TMEM108: variants seen among roughly 807,000 people sequenced by gnomAD.
TMEM108 encodes transmembrane protein 108, also known as cancer/testis antigen 124.
A neutral mutation model predicts 35.1 loss-of-function variants in TMEM108; 12 were observed. The observed-to-expected ratio is 0.34, with a 90% CI of 0.22 to 0.55. The LOEUF (loss-of-function observed/expected upper bound fraction) is 0.55. Among genes scored for constraint, TMEM108 ranks in the 20% least tolerant of loss-of-function variants. The pLI is 0.89. For missense variants in TMEM108, 680 were observed against 753.3 expected, an observed-to-expected ratio of 0.90 and a Z score of 1.14; for synonymous variants, 287 against 308.6, an observed-to-expected ratio of 0.93 and a Z score of 0.73.
At chr3:133,307,432 A>T (rs544981771) in intron 3 of TMEM108, among the ~76,000 whole-genome samples, 1 of 152,278 alleles carries the variant, frequency 6.6e-6, no homozygotes, top group South Asian at 2.1e-4. Flanking sequence ...TCTTTTAGAC[A>T]TGAAGTCCTT....
chr3:133,070,315 A>T (rs2107688847), intron 2 of TMEM108, among the ~76,000 whole-genome samples: 1 of 152,250 alleles, frequency 6.6e-6, no homozygotes, highest in Middle Eastern at 3.4e-3. Context: ...GGCTTACACA[A>T]GTGAGGACAA....
intron 2 of TMEM108, among the ~76,000 whole-genome samples, chr3:133,046,845 G>A (rs1267109874): frequency 7.8e-6 from 1 of 128,640 alleles, no homozygotes; most frequent in East Asian, 2.1e-4. Context: ...TAAGAATGAG[G>A]GATAGGAGGT....
chr3:133,360,007 T>TAAAA (rs59374214), intron 3 of TMEM108, among the ~76,000 whole-genome samples: 39 of 112,864 alleles, frequency 3.5e-4, no homozygotes, highest in Non-Finnish European at 6.0e-4. Context: ...ACTCAACAGT[T>TAAAA]AAAAAAAAAA....
intron 4 of TMEM108, chr3:133,388,462 C>T (rs1042128533): frequency 1.0e-6 from 1 of 985,284 alleles, no homozygotes; most frequent in Non-Finnish European, 1.2e-6. Context: ...CTTCAACCAT[C>T]TGAAGAAAGG....
chr3:133,210,466 A>G (rs990666768), intron 2 of TMEM108, among the ~76,000 whole-genome samples: 3 of 152,296 alleles, frequency 2.0e-5, no homozygotes, highest in African/African-American at 4.8e-5. Context: ...TCTCCATCCC[A>G]TAACCTGGGA....
At chr3:133,340,136 C>G (rs557732874) in intron 3 of TMEM108, among the ~76,000 whole-genome samples, 7 of 149,036 alleles carry the variant, frequency 4.7e-5, no homozygotes, top group Admixed American at 4.0e-4. Context: ...GGAAACAATA[C>G]AAAAGATTAA....
At chr3:133,243,346 G>A (rs1184871149) in intron 3 of TMEM108, among the ~76,000 whole-genome samples, 1 of 152,038 alleles carries the variant, frequency 6.6e-6, no homozygotes, top group Admixed American at 6.6e-5. Context: ...TATAGTTAAC[G>A]TTCTTTAATT....
chr3:133,186,871 C>T (rs1339228431), intron 2 of TMEM108, among the ~76,000 whole-genome samples: 1 of 152,168 alleles, frequency 6.6e-6, no homozygotes, highest in African/African-American at 2.4e-5. Flanking sequence ...CTTCCCTACA[C>T]ATATGTGAAT....
At chr3:133,285,132 A>G (rs1445741691) in intron 3 of TMEM108, among the ~76,000 whole-genome samples, 1 of 152,222 alleles carries the variant, frequency 6.6e-6, no homozygotes, top group African/African-American at 2.4e-5. Context: ...TGTGCAATAA[A>G]ATAAATTATA....
At chr3:133,080,551 G>A (rs1196385615) in intron 2 of TMEM108, among the ~76,000 whole-genome samples, 1 of 152,144 alleles carries the variant, frequency 6.6e-6, no homozygotes, top group Admixed American at 6.5e-5. Context: ...ATCCTTCCCA[G>A]AGCTCTTTAG....
chr3:133,197,784 G>T (rs928073081), intron 2 of TMEM108, among the ~76,000 whole-genome samples: 1 of 152,148 alleles, frequency 6.6e-6, no homozygotes, highest in African/African-American at 2.4e-5. Context: ...GGGTACAGAG[G>T]TATCTGCTAC....
At chr3:133,110,117 C>G (rs769503989) in intron 2 of TMEM108, among the ~76,000 whole-genome samples, 49 of 152,188 alleles carry the variant, frequency 3.2e-4, no homozygotes, top group Non-Finnish European at 5.4e-4. Flanking sequence ...CTCAGAGGAT[C>G]AGTGAAAATG....
chr3:133,216,922 T>A (rs143044673), intron 2 of TMEM108, among the ~76,000 whole-genome samples: 262 of 152,280 alleles, frequency 1.7e-3, no homozygotes, highest in African/African-American at 6.2e-3. Flanking sequence ...ACATACTGAT[T>A]TCATTTTCCT....
intron 3 of TMEM108, among the ~76,000 whole-genome samples, chr3:133,363,183 C>A (rs557447313): frequency 3.3e-5 from 5 of 152,140 alleles, no homozygotes; most frequent in Non-Finnish European, 1.5e-5. Flanking sequence ...TCCCTCTGTA[C>A]TCCCTTAGGG....
chr3:133,362,182 G>A (rs938238), intron 3 of TMEM108, among the ~76,000 whole-genome samples: 17,443 of 152,120 alleles, frequency 0.11, 1,407 homozygotes, highest in East Asian at 0.38. Context: ...TTTGCTGCAG[G>A]CCCAAAAGTT....
chr3:133,261,656 T>C (rs1946624034), intron 3 of TMEM108, among the ~76,000 whole-genome samples: 1 of 152,242 alleles, frequency 6.6e-6, no homozygotes, highest in African/African-American at 2.4e-5. Context: ...AATATTTCCA[T>C]TTTAAGAAGC....
At chr3:133,073,532 A>ATATATATATT (rs1324857078) in intron 2 of TMEM108, among the ~76,000 whole-genome samples, 47 of 134,412 alleles carry the variant, frequency 3.5e-4, no homozygotes, top group African/African-American at 1.3e-3. Context: ...ATATATATAT[A>ATATATATATT]TATCACATTT....
At chr3:133,252,916 A>G (rs1161385687) in intron 3 of TMEM108, among the ~76,000 whole-genome samples, 1 of 152,214 alleles carries the variant, frequency 6.6e-6, no homozygotes. Context: ...CCAATTTTAT[A>G]TAAAAGACTT....
At chr3:133,259,860 A>G (rs1455000425) in intron 3 of TMEM108, among the ~76,000 whole-genome samples, 1 of 152,230 alleles carries the variant, frequency 6.6e-6, no homozygotes, top group Non-Finnish European at 1.5e-5. Context: ...CCAAAGAGCC[A>G]AGGAGGCAGT....
Sources: gnomAD v4.1 joint callset for allele counts (sites outside exome capture counted in the v4.1 genomes callset) on GRCh38, gnomAD v4.1.1 for gene constraint, MANE v1.5 for transcripts, NCBI Gene and HGNC (gene_info 2026-07-23, HGNC 2026-07-21) for gene names.